Variants in TRPV3 observed in about 807,000 individuals in gnomAD.
TRPV3 encodes the protein VRL-3.
TRPV3 carries 88 observed loss-of-function variants against 87.1 expected under a neutral mutation model. The observed-to-expected ratio is 1.01, with a 90% CI of 0.85 to 1.21. The LOEUF (loss-of-function observed/expected upper bound fraction) is 1.21. Among genes scored for constraint, TRPV3 ranks in the 50% most tolerant of loss-of-function variants. The pLI, the probability that TRPV3 is intolerant of heterozygous loss-of-function variation, is 0.00. For synonymous variants in TRPV3, 438 were observed against 423.3 expected, an observed-to-expected ratio of 1.03 and a Z score of -0.43; for missense variants, 1,054 against 1,030.1, an observed-to-expected ratio of 1.02 and a Z score of -0.32.
chr17:3,551,039 A>T (rs929345162), intron 2 of TRPV3, among the ~76,000 whole-genome samples: 1 of 152,230 alleles, frequency 6.6e-6, no homozygotes, highest in African/African-American at 2.4e-5. Context: ...AGATCCTTCC[A>T]GTTGAAGACA....
chr17:3,554,423 G>A, intron 2 of TRPV3: 1 of 287,988 alleles, frequency 3.5e-6, no homozygotes, highest in Non-Finnish European at 6.4e-6. Context: ...CTCGTCTCAA[G>A]GGTGGCTCCA....
rs1380784087 is a variant in TRPV3 at position 3,542,669 on chromosome 17, C to T, written c.496G>A (p.Asp166Asn). 21 of 1,613,862 alleles carry T rather than the reference C, an allele frequency of 1.3e-5. No individual in the cohort carries two copies. Among genetic ancestry groups the T allele is most frequent in the South Asian group, 8.8e-5 (8 of 91,070 alleles). Residue 166 changes from aspartate (D) to asparagine (N), a missense_variant, in exon 6 of 18, where the codon GAC (aspartate) becomes AAC (asparagine). Transcript: ENST00000576742. ...DFLMHKLTAS[D>N]TGKTCLMKAL... ...TTCATCAGGCAGGTCTTCCCCGTGT[C>T]GGAGGCCGTCAGCTTGTGCATGAGG...
chr17:3,556,435 G>A lies in TRPV3; in HGVS notation c.-3+1241C>T, dbSNP rs2074633405. On this transcript the variant is annotated intron_variant, in intron 1 of 17. Coordinates refer to ENST00000576742, the MANE Select transcript of TRPV3 (RefSeq NM_145068.4). This position sits in a 1 kb window ranked among gnomAD's most constrained non-coding sequence, Gnocchi z 4.2. ...GGAAAGGGCTGTGTGGACAGGTGGT[G>A]ACTGTGTGGTCAGGGGGTGCCACTC... Among the ~76,000 whole-genome samples, 1 of 151,988 alleles carries A rather than the reference G, an allele frequency of 6.6e-6. No individual in the cohort carries two copies. Among genetic ancestry groups the A allele is most frequent in the Non-Finnish European group, 1.5e-5 (1 of 67,964 alleles).
At chr17:3,519,655 T>C (rs1454334516) in intron 14 of TRPV3, among the ~76,000 whole-genome samples, 5 of 147,448 alleles carry the variant, frequency 3.4e-5, no homozygotes, top group Non-Finnish European at 7.5e-5. Context: ...ATTAGATGGA[T>C]GGATGGACTG....
At chr17:3,527,644 A>G in intron 11 of TRPV3, 1 of 268,182 alleles carries the variant, frequency 3.7e-6, no homozygotes, top group Non-Finnish European at 7.2e-6. Context: ...GAGAGATGGA[A>G]AGATGGTTGG....
Position 3,528,292 on chromosome 17 carries a change from C to G in TRPV3, c.1402-166G>C, listed in dbSNP as rs563366108. On this transcript the variant is annotated intron_variant, in intron 10 of 17. Coordinates refer to ENST00000576742, the MANE Select transcript of TRPV3 (RefSeq NM_145068.4). The surrounding 1 kb of genome is among the most constrained non-coding windows in gnomAD (Gnocchi z 4.2). The stretch of plus-strand genomic sequence containing the variant: ...GAGAAGGAAGAGCAGCTCCCTGACC[C>G]CAACTCTCCTCACCCTTGATGGAAA... 5.9e-4 allele frequency among the ~76,000 whole-genome samples: 90 copies of G among 152,236 alleles called. No individual in the cohort carries two copies. Among genetic ancestry groups the G allele is most frequent in the Non-Finnish European group, 7.6e-4 (52 of 68,006 alleles).
In TRPV3 at chr17:3,513,694, C is replaced by A; in HGVS notation, c.*223G>T. 1 of 482,476 alleles carries A rather than the reference C, an allele frequency of 2.1e-6. No homozygotes were observed. The highest frequency in any genetic ancestry group is 3.7e-6 in the Non-Finnish European group (1 of 271,912). 29.9% of individuals were successfully genotyped at this position (482,476 alleles called of 1,614,324 possible). A position where few individuals can be genotyped will look rare whatever the true frequency, so the allele number is the denominator to read the frequency against. On this transcript the variant is annotated 3_prime_UTR_variant, in exon 18 of 18. Transcript: ENST00000576742. Reference sequence around the variant, plus strand: ...ACTGCTGCTGGCTGTAGGTTTACACCAGCTGTTTGCCAAGTAACAAAATCC... The same window carrying A: ...ACTGCTGCTGGCTGTAGGTTTACACAAGCTGTTTGCCAAGTAACAAAATCC...
intron 16 of TRPV3, among the ~76,000 whole-genome samples, 174 bp from the exon 17 acceptor site, chr17:3,514,846 ATCCCCATCTCCACG>A (rs2074162618): frequency 2.0e-5 from 3 of 152,052 alleles, no homozygotes; most frequent in African/African-American, 7.2e-5. Flanking sequence ...TTTGAACTCT[ATCCCCATCTCCACG>A]TCCCCAGGCC....
At chr17:3,545,123 G>T in intron 3 of TRPV3, 44 bp downstream of exon 3, 1 of 1,464,454 alleles carries the variant, frequency 6.8e-7, no homozygotes, top group Non-Finnish European at 9.5e-7. Context: ...CTGGAGCTGA[G>T]GGCTGGGCCC....
At chr17:3,537,430 C>T (rs576488333) in intron 6 of TRPV3, among the ~76,000 whole-genome samples, 47 of 152,052 alleles carry the variant, frequency 3.1e-4, no homozygotes, top group African/African-American at 9.9e-4. Context: ...CCACCACTCC[C>T]GGCTTATTTT....
chr17:3,520,316 G>C (rs115521867), intron 14 of TRPV3, among the ~76,000 whole-genome samples: 64 of 152,336 alleles, frequency 4.2e-4, no homozygotes, highest in African/African-American at 1.5e-3. Context: ...CAGCAGACCA[G>C]AGAGGCTCTC....
chr17:3,513,913 G>A lies in TRPV3; in HGVS notation c.*4C>T, dbSNP rs369789273. The A allele has an allele frequency of 5.6e-6, 9 of 1,613,268 alleles. No individual in the cohort carries two copies. In the African/African-American group the frequency reaches 1.1e-4, roughly 19 times the overall value. ...CACGCGCACACCAGCTCTGGGTTCC[G>A]CTTCTACACCGAGGTTTCCGGGAAT... On this transcript the variant is annotated 3_prime_UTR_variant, in exon 18 of 18. Coordinates refer to ENST00000576742, the MANE Select transcript of TRPV3 (RefSeq NM_145068.4).
At chr17:3,545,684 G>GA (rs909358263) in intron 2 of TRPV3, among the ~76,000 whole-genome samples, 13 of 146,668 alleles carry the variant, frequency 8.9e-5, no homozygotes, top group Non-Finnish European at 1.2e-4. Flanking sequence ...AAGGAGGAAA[G>GA]AAAAAAAAAA....
chr17:3,517,510 T>C (rs1225000701), intron 15 of TRPV3, among the ~76,000 whole-genome samples: 1 of 151,354 alleles, frequency 6.6e-6, no homozygotes. Context: ...TCCCAGCTAC[T>C]TGGGAGGCTG....
intron 2 of TRPV3, chr17:3,552,204 CTTTTT>C (rs576921200): frequency 7.5e-6 from 1 of 132,706 alleles, no homozygotes; most frequent in Non-Finnish European, 1.6e-5. Flanking sequence ...CTTTTCTTTT[CTTTTT>C]TGAGACAAGA....
rs767538050 is a variant in TRPV3 at position 3,514,613 on chromosome 17, G to A, written c.2258C>T (p.Pro753Leu). 18 of 1,613,740 alleles carry A rather than the reference G, an allele frequency of 1.1e-5. No individual in the cohort carries two copies. Among genetic ancestry groups the A allele is most frequent in the African/African-American group, 9.3e-5 (7 of 74,922 alleles). The change falls in exon 17 of 18, where the codon CCG (proline) becomes CTG (leucine). Residue 753 changes from proline to leucine, a missense_variant. By Grantham distance (98) the Pro-to-Leu change is moderately conservative. Transcript: ENST00000576742. The part of the protein sequence containing the change: ...KTHVSFLNED[P>L]GPVRRTDFNK... ...AGTACCTGTTCGTCTTACAGGCCCCGGGTCTTCGTTAAGGAAGGAGACGTG... is the reference window on the plus strand; with the variant it reads ...AGTACCTGTTCGTCTTACAGGCCCCAGGTCTTCGTTAAGGAAGGAGACGTG...
intron 2 of TRPV3, among the ~76,000 whole-genome samples, chr17:3,546,969 A>G (rs1246820252): frequency 6.6e-5 from 10 of 151,034 alleles, no homozygotes. Context: ...CTCCTTCTCA[A>G]AAAAAAAAAA....
rs1294744611 is a variant in TRPV3, at chr17:3,543,007, C to T, written c.467-309G>A. Among the ~76,000 whole-genome samples, 3 of 151,996 alleles carry T rather than the reference C, an allele frequency of 2.0e-5. No homozygotes were observed. In the East Asian group the frequency reaches 5.8e-4, roughly 29 times the overall value. The stretch of plus-strand genomic sequence containing the variant: ...ATCTGTCTCCAGCCTGCCCCCTCCT[C>T]GTGGCCTGCAAATAAAGCTCATGGC... On this transcript the variant is annotated intron_variant, in intron 5 of 17. Transcript: ENST00000576742.
rs1374332247 is a variant in TRPV3 at position 3,528,400 on chromosome 17, T to C, written c.1402-274A>G. ...ATTGCAATAGCCTTTCCGGAACCCA[T>C]CCATATCCAGGCACTCAACATGGCC... On this transcript the variant is annotated intron_variant, in intron 10 of 17. Transcript: ENST00000576742. The surrounding 1 kb of genome is among the most constrained non-coding windows in gnomAD (Gnocchi z 4.2). Among the ~76,000 whole-genome samples the C allele has an allele frequency of 4.6e-5, 7 of 152,024 alleles. No homozygotes were observed. The highest frequency in any genetic ancestry group is 8.8e-5 in the Non-Finnish European group (6 of 67,980).
Sources: allele counts gnomAD v4.1 joint callset (sites outside exome capture counted in the v4.1 genomes callset), GRCh38; gene constraint gnomAD v4.1.1; non-coding constraint Gnocchi (gnomAD v3.1); transcripts MANE v1.5; gene names NCBI Gene and HGNC (gene_info 2026-07-23, HGNC 2026-07-21).